The following CTNND1 variants were observed in gnomAD, a reference collection of about 807,000 sequenced individuals.
CTNND1 encodes catenin delta-1.
Under a neutral mutation model 112.1 loss-of-function variants are expected in CTNND1, and 16 were observed. The observed-to-expected ratio is 0.14, with a 90% CI of 0.10 to 0.22. The LOEUF (loss-of-function observed/expected upper bound fraction) is 0.22, where lower values mean the gene tolerates loss of function less well. CTNND1 is among the 10% of genes least tolerant of loss of function. The probability of loss-of-function intolerance (pLI) is 1.00; values close to 1 mark genes in which losing one functional copy is unlikely to be tolerated. For synonymous variants in CTNND1, 420 were observed against 446.5 expected, an observed-to-expected ratio of 0.94 and a Z score of 0.75; for missense variants, 1,008 against 1,257.0, an observed-to-expected ratio of 0.80 and a Z score of 3.00.
Position 57,796,566 on chromosome 11 carries a change from C to T in CTNND1, c.530C>T (p.Thr177Ile). The T allele has an allele frequency of 6.2e-7, 1 of 1,613,944 alleles. No individual in the cohort carries two copies. Among genetic ancestry groups the T allele is most frequent in the Non-Finnish European group, 8.5e-7 (1 of 1,179,890 alleles). The change falls in exon 6 of 21, where the codon ACT becomes ATT. Residue 177 changes from threonine to isoleucine, a missense_variant. Coordinates refer to ENST00000399050, the MANE Select transcript of CTNND1 (RefSeq NM_001085458.2). ...ASSVSNNYIQ[T>I]LGRDFRKNGN... ...TCAGTTTCTAACAACTATATCCAGA[C>T]TTTGGGTCGTGATTTCCGCAAGAAT...
At chr11:57,781,393 A>G (rs751769927) in intron 1 of CTNND1, among the ~76,000 whole-genome samples, 2 of 151,936 alleles carry the variant, frequency 1.3e-5, no homozygotes, top group Non-Finnish European at 2.9e-5. Flanking sequence ...TTTCTCTTTT[A>G]TGACATGAGA....
intron 1 of CTNND1, among the ~76,000 whole-genome samples, chr11:57,785,749 A>G (rs1009970744): frequency 2.0e-5 from 3 of 151,724 alleles, no homozygotes; most frequent in Non-Finnish European, 4.4e-5. Context: ...GGGTTTCACC[A>G]TGTTGGTCAG....
At chr11:57,800,810 G>A (rs2061942915) in intron 6 of CTNND1, among the ~76,000 whole-genome samples, 1 of 152,124 alleles carries the variant, frequency 6.6e-6, no homozygotes, top group Admixed American at 6.5e-5. Flanking sequence ...ACAGATAATG[G>A]GTTTCTTCCT....
At position 57,794,220 on chromosome 11, in the gene CTNND1, A is replaced by G. The variant is rs544412419; in HGVS notation, c.267+139A>G. On this transcript the variant is annotated intron_variant, in intron 4 of 20. Coordinates refer to ENST00000399050, the MANE Select transcript of CTNND1 (RefSeq NM_001085458.2). ...ATTAGTTTCTTTTATTTACGAAAACAAAGAAGTGGAGCTCCAAAGTATATA... is the reference window on the plus strand; with the variant it reads ...ATTAGTTTCTTTTATTTACGAAAACGAAGAAGTGGAGCTCCAAAGTATATA... 1.9e-5 allele frequency: 14 copies of G among 720,962 alleles called. No homozygotes were observed. In the South Asian group the frequency reaches 2.4e-4, roughly 13 times the overall value. 44.7% of individuals were successfully genotyped at this position (720,962 alleles called of 1,614,324 possible). A position where few individuals can be genotyped will look rare whatever the true frequency, so the allele number is the denominator to read the frequency against.
chr11:57,794,567 C>T (rs1338089447), intron 4 of CTNND1, among the ~76,000 whole-genome samples: 2 of 151,486 alleles, frequency 1.3e-5, no homozygotes, highest in Non-Finnish European at 2.9e-5. Context: ...GGGCAGATCA[C>T]CTCAGGTCGG....
At chr11:57,762,194 C>T in intron 1 of CTNND1, 75 bp downstream of exon 1, 1 of 683,158 alleles carries the variant, frequency 1.5e-6, no homozygotes, top group Non-Finnish European at 1.8e-6. Context: ...TTTTTCTTTT[C>T]TACTTTCAGT....
At chr11:57,781,129 G>A (rs1024199725) in intron 1 of CTNND1, among the ~76,000 whole-genome samples, 6 of 152,134 alleles carry the variant, frequency 3.9e-5, no homozygotes, top group African/African-American at 1.4e-4. Context: ...AGCAGAGACA[G>A]CGTTTCACCA....
chr11:57,804,052 A>G, intron 8 of CTNND1: 1 of 331,186 alleles, frequency 3.0e-6, no homozygotes. Context: ...GACTTTGTTC[A>G]TCTACTTTGG....
intron 1 of CTNND1, among the ~76,000 whole-genome samples, chr11:57,770,706 C>T (rs1036426154): frequency 1.3e-5 from 2 of 151,766 alleles, no homozygotes; most frequent in Non-Finnish European, 2.9e-5. Context: ...TTTTAGGAAG[C>T]TCATATTTTA....
rs1951109244 is a variant in CTNND1 at position 57,766,494 on chromosome 11, T to G, written c.-214+4375T>G. 2.6e-5 allele frequency among the ~76,000 whole-genome samples: 4 copies of G among 152,338 alleles called. No individual in the cohort carries two copies. The South Asian group carries it at 6.2e-4, about 24-fold the overall frequency. ...AAGGAACTTGCCTACAGGAGTGAAC[T>G]GTAGGTAATAAGGATGTGAATAAGT... is the stretch of plus-strand genomic sequence containing the variant. On this transcript the variant is annotated intron_variant, in intron 1 of 20. Coordinates refer to ENST00000399050, the MANE Select transcript of CTNND1 (RefSeq NM_001085458.2).
chr11:57,775,106 C>A (rs534142542), intron 1 of CTNND1, among the ~76,000 whole-genome samples: 7 of 151,688 alleles, frequency 4.6e-5, no homozygotes, highest in African/African-American at 1.2e-4. Flanking sequence ...CAAAAAGCTC[C>A]CTAGGTGATT....
chr11:57,803,662 G>C lies in CTNND1; in HGVS notation c.1462G>C (p.Glu488Gln). The C allele has an allele frequency of 1.2e-6, 2 of 1,612,626 alleles. No individual in the cohort carries two copies. Among genetic ancestry groups the C allele is most frequent in the Non-Finnish European group, 1.7e-6 (2 of 1,179,452 alleles). The change falls in exon 8 of 21, where the codon GAG (glutamate) becomes CAG (glutamine). Residue 488 changes from glutamate to glutamine, a missense_variant. Glu to Gln is a conservative substitution (Grantham distance 29, BLOSUM62 2). Coordinates refer to ENST00000399050, the MANE Select transcript of CTNND1 (RefSeq NM_001085458.2). ...TTCATCCCATGACTCAATCAAAATG[G>C]AGATTGTGGACCATGCACTGCATGC... ...NLSSHDSIKM[E>Q]IVDHALHALT...
intron 4 of CTNND1, 77 bp downstream of exon 4, chr11:57,794,158 T>A: frequency 7.8e-7 from 1 of 1,289,326 alleles, no homozygotes; most frequent in Non-Finnish European, 1.1e-6. Flanking sequence ...CATATTTGTG[T>A]CTTGTAAGGT....
At chr11:57,812,990 A>G (rs2063548542) in intron 17 of CTNND1, among the ~76,000 whole-genome samples, 1 of 152,204 alleles carries the variant, frequency 6.6e-6, no homozygotes, top group Non-Finnish European at 1.5e-5. Flanking sequence ...GTAGTTTTGA[A>G]AAACTTTTAT....
chr11:57,780,685 A>T (rs1239571962), intron 1 of CTNND1, among the ~76,000 whole-genome samples: 2 of 152,162 alleles, frequency 1.3e-5, no homozygotes, highest in Admixed American at 6.5e-5. Flanking sequence ...CCAAGAAAGG[A>T]CCTTAACACT....
At chr11:57,769,402 A>G (rs988450160) in intron 1 of CTNND1, among the ~76,000 whole-genome samples, 1 of 151,594 alleles carries the variant, frequency 6.6e-6, no homozygotes, top group African/African-American at 2.4e-5. Context: ...CTCCTACTTC[A>G]GCCCCTGGAG....
Position 57,794,972 on chromosome 11 carries a change from G to C in CTNND1, c.268-605G>C, listed in dbSNP as rs572764321. 2.6e-5 allele frequency among the ~76,000 whole-genome samples: 4 copies of C among 151,954 alleles called. No individual in the cohort carries two copies. The South Asian group carries it at 8.3e-4, about 32-fold the overall frequency. On this transcript the variant is annotated intron_variant, in intron 4 of 20. Transcript: ENST00000399050. ...CCAGCACTTTGGGAGGCTGAGGCTG[G>C]AGGATTGCTTGAGCCCAGGAGTTCA...
At chr11:57,815,248 G>A (rs984751293) in intron 18 of CTNND1, 146 bp from the exon 19 acceptor site, 28 of 547,926 alleles carry the variant, frequency 5.1e-5, no homozygotes, top group African/African-American at 7.6e-5. Context: ...TCTTTAAGTC[G>A]GGGACCATCA....
intron 6 of CTNND1, 94 bp from the exon 7 acceptor site, chr11:57,801,639 T>C: frequency 9.9e-7 from 1 of 1,011,676 alleles, no homozygotes; most frequent in Admixed American, 2.5e-5. Flanking sequence ...GAAACTCCAG[T>C]TAATCCTCCT....
Sources: allele counts gnomAD v4.1 joint callset (sites outside exome capture counted in the v4.1 genomes callset), GRCh38; gene constraint gnomAD v4.1.1; transcripts MANE v1.5; gene names NCBI Gene and HGNC (gene_info 2026-07-23, HGNC 2026-07-21).